The following TDRD5 variants were observed in gnomAD, a reference collection of about 807,000 sequenced individuals.
TDRD5 encodes tudor domain-containing protein 5.
In TDRD5, 41 loss-of-function variants were observed where a neutral mutation model predicts 120.6. The observed-to-expected ratio is 0.34, with a 90% CI of 0.26 to 0.44. TDRD5 has a LOEUF of 0.44. TDRD5 is among the 20% of genes least tolerant of loss of function. The probability of loss-of-function intolerance (pLI) is 1.00; values close to 1 mark genes in which losing one functional copy is unlikely to be tolerated. For missense variants in TDRD5, 1,006 were observed against 1,221.2 expected (o/e 0.82, Z 2.63); for synonymous variants, 430 against 433.7 (o/e 0.99, Z 0.11).
intron 6 of TDRD5, among the ~76,000 whole-genome samples, chr1:179,628,141 T>G (rs1340823290): frequency 6.6e-6 from 1 of 152,148 alleles, no homozygotes; most frequent in East Asian, 1.9e-4. Context: ...ATAAAGTGTT[T>G]GTACTGCAAG....
intron 17 of TDRD5, 80 bp from the exon 18 acceptor site, chr1:179,690,616 T>C: frequency 6.5e-7 from 1 of 1,534,840 alleles, no homozygotes; most frequent in Non-Finnish European, 8.8e-7. Flanking sequence ...CACATATTAG[T>C]ATAGAACTAG....
chr1:179,679,717 C>T (rs75436191), intron 17 of TDRD5, among the ~76,000 whole-genome samples: 2 of 150,852 alleles, frequency 1.3e-5, no homozygotes, highest in South Asian at 2.1e-4. Context: ...TTTTTCCCCC[C>T]ATCTAGAGGT....
intron 6 of TDRD5, among the ~76,000 whole-genome samples, chr1:179,625,145 A>AAG (rs11453016): frequency 2.0e-5 from 3 of 151,192 alleles, no homozygotes; most frequent in Non-Finnish European, 4.4e-5. Flanking sequence ...AAAAAAAAAA[A>AAG]GAATCCCAAC....
At chr1:179,665,016 A>C (rs12074204) in intron 16 of TDRD5, among the ~76,000 whole-genome samples, 2,027 of 152,166 alleles carry the variant, frequency 0.013, 55 homozygotes, top group African/African-American at 0.045. Flanking sequence ...TTCTTTCCAT[A>C]TCCCTGATGG....
At chr1:179,688,968 G>A (rs995421164) in intron 17 of TDRD5, among the ~76,000 whole-genome samples, 7 of 152,136 alleles carry the variant, frequency 4.6e-5, no homozygotes, top group African/African-American at 1.7e-4. Context: ...AAGGTTTTTA[G>A]CTTCTTTGCT....
intron 17 of TDRD5, among the ~76,000 whole-genome samples, chr1:179,682,687 C>CT (rs201571124): frequency 1.2e-3 from 176 of 146,110 alleles, no homozygotes; most frequent in East Asian, 6.6e-3. Context: ...TTTAATTTCC[C>CT]TTTTTTTTTT....
At chr1:179,628,324 C>CTTTTTTTTTTTT (rs71569258) in intron 6 of TDRD5, among the ~76,000 whole-genome samples, 11 of 54,632 alleles carry the variant, frequency 2.0e-4, no homozygotes, top group African/African-American at 7.3e-4. Flanking sequence ...CTTTTCTTTT[C>CTTTTTTTTTTTT]TTTTTTTTTT....
At chr1:179,668,507 A>G (rs1679671648) in intron 16 of TDRD5, among the ~76,000 whole-genome samples, 1 of 152,138 alleles carries the variant, frequency 6.6e-6, no homozygotes, top group East Asian at 1.9e-4. Context: ...TACCTAGGAC[A>G]CCTGTTCTGA....
chr1:179,655,421 AAC>A (rs1465555845), intron 14 of TDRD5, among the ~76,000 whole-genome samples: 2 of 152,152 alleles, frequency 1.3e-5, no homozygotes, highest in African/African-American at 4.8e-5. Context: ...TCCCTTGCAT[AAC>A]TTTTTTTCAT....
At chr1:179,690,178 A>AT (rs1681056582) in intron 17 of TDRD5, among the ~76,000 whole-genome samples, 1 of 152,178 alleles carries the variant, frequency 6.6e-6, no homozygotes. Flanking sequence ...AGCTGTTCCT[A>AT]TTCAGCCATC....
chr1:179,673,486 C>T (rs1448243206), intron 17 of TDRD5, among the ~76,000 whole-genome samples: 1 of 152,024 alleles, frequency 6.6e-6, no homozygotes, highest in Non-Finnish European at 1.5e-5. Context: ...TGACATGTGC[C>T]CAAGGTGGTC....
intron 6 of TDRD5, among the ~76,000 whole-genome samples, chr1:179,624,799 A>T (rs1677029872): frequency 6.6e-6 from 1 of 152,200 alleles, no homozygotes; most frequent in African/African-American, 2.4e-5. Context: ...TGATAACATT[A>T]TATGAACATG....
At chr1:179,618,869 C>G (rs1273195338) in intron 5 of TDRD5, among the ~76,000 whole-genome samples, 187 bp downstream of exon 5, 1 of 152,100 alleles carries the variant, frequency 6.6e-6, no homozygotes, top group Non-Finnish European at 1.5e-5. Flanking sequence ...TAACATAAAA[C>G]TATTTAGTAA....
rs760325973 is a variant in TDRD5, at chr1:179,669,417, GT to G, written c.2860+14del. 16 of 1,613,270 alleles carry G rather than the reference GT, an allele frequency of 9.9e-6. No homozygotes were observed. Among genetic ancestry groups the G allele is most frequent in the Non-Finnish European group, 1.3e-5 (15 of 1,179,666 alleles). ...CCCTCTGGTTCTGGTATGTTTGTGT[GT>G]ACTTGTGCATGCTCACAGTTGACAA... On this transcript the variant is annotated intron_variant, in intron 17 of 17. Coordinates refer to ENST00000444136, the MANE Select transcript of TDRD5 (RefSeq NM_001199085.3).
chr1:179,642,751 G>A (rs1396546176), intron 11 of TDRD5, among the ~76,000 whole-genome samples: 3 of 152,154 alleles, frequency 2.0e-5, no homozygotes, highest in Non-Finnish European at 4.4e-5. Context: ...CAATAACTAG[G>A]TTTTTAACTA....
At chr1:179,619,463 C>T (rs544288829) in intron 5 of TDRD5, among the ~76,000 whole-genome samples, 1 of 152,222 alleles carries the variant, frequency 6.6e-6, no homozygotes, top group East Asian at 1.9e-4. Context: ...TTTGAGTAAT[C>T]AAGGTGCTAT....
At chr1:179,620,464 A>G (rs1391950440) in intron 5 of TDRD5, among the ~76,000 whole-genome samples, 4 of 152,164 alleles carry the variant, frequency 2.6e-5, no homozygotes, top group Non-Finnish European at 5.9e-5. Context: ...GGTGTCTTTA[A>G]TATTTTGAAA....
intron 17 of TDRD5, among the ~76,000 whole-genome samples, chr1:179,689,280 C>T (rs1488587199): frequency 6.6e-6 from 1 of 152,172 alleles, no homozygotes; most frequent in Non-Finnish European, 1.5e-5. Flanking sequence ...CAGTCAGGAC[C>T]CTCAGCTGCA....
rs1301029888 is a variant in TDRD5, at chr1:179,592,747, A to G, written c.132A>G (p.Pro44=). ...EYLLMVGNHL[P]LRILGYRSTM... is the part of the protein sequence containing the mutation. ...TTTTGATGGTTGGCAACCATCTACC[A>G]CTCCGAATCCTTGGGTATCGGTCCA... The change falls in exon 2 of 18, where the codon CCA becomes CCG. Residue 44 remains proline (P), a synonymous_variant. Coordinates refer to ENST00000444136, the MANE Select transcript of TDRD5 (RefSeq NM_001199085.3). 6.2e-7 allele frequency: 1 copy of G among 1,613,340 alleles called. No individual in the cohort carries two copies. The highest frequency in any genetic ancestry group is 2.2e-5 in the East Asian group (1 of 44,856).
Sources: gnomAD v4.1 joint callset for allele counts (sites outside exome capture counted in the v4.1 genomes callset) on GRCh38, gnomAD v4.1.1 for gene constraint, MANE v1.5 for transcripts, NCBI Gene and HGNC (gene_info 2026-07-23, HGNC 2026-07-21) for gene names.